ANO6: variants seen among roughly 807,000 people sequenced by gnomAD.
ANO6 encodes the protein anoctamin 6.
Under a neutral mutation model 117.5 loss-of-function variants are expected in ANO6, and 106 were observed. The ratio of observed to expected loss-of-function variants is 0.90; its 90% confidence interval spans 0.77 to 1.06. The LOEUF (loss-of-function observed/expected upper bound fraction) is 1.06, where lower values mean the gene tolerates loss of function less well. ANO6 is among the 50% of genes least tolerant of loss of function. The probability of loss-of-function intolerance (pLI) is 0.00; values close to 1 mark genes in which losing one functional copy is unlikely to be tolerated. For missense variants in ANO6, 955 were observed against 1,121.1 expected (o/e 0.85, Z 2.12); for synonymous variants, 367 against 385.1 (o/e 0.95, Z 0.55).
chr12:45,415,543 G>C (rs890959123), intron 16 of ANO6, among the ~76,000 whole-genome samples: 1 of 152,216 alleles, frequency 6.6e-6, no homozygotes, highest in Non-Finnish European at 1.5e-5. Flanking sequence ...ATTTAGGGTT[G>C]GGTGAGTCAT....
In ANO6 at chr12:45,378,057, T is replaced by A. The variant is rs1012184211; in HGVS notation, c.1109T>A (p.Leu370Ter). ...LNITCESSKKLCIFDSFGTLV... is the reference protein window; with the variant it reads ...LNITCESSKK ...TATGTCATTTATATTTTCCAGAAATTGTGCATCTTCGACAGTTTTGGAACC... is the reference window on the plus strand; with the variant it reads ...TATGTCATTTATATTTTCCAGAAATAGTGCATCTTCGACAGTTTTGGAACC... The change falls in exon 10 of 20, where the codon TTG (leucine) becomes TAG (stop). Residue 370 changes from leucine to a stop codon, truncating the protein, a stop_gained. Transcript: ENST00000320560. LOFTEE classifies it high-confidence loss of function. The A allele has an allele frequency of 6.2e-7, 1 of 1,612,974 alleles. No homozygotes were observed.
intron 1 of ANO6, among the ~76,000 whole-genome samples, chr12:45,276,591 G>A (rs1202296569): frequency 6.6e-6 from 1 of 152,030 alleles, no homozygotes; most frequent in Non-Finnish European, 1.5e-5. Context: ...CACCCTACCC[G>A]AAATACTTCC....
At chr12:45,422,819 A>G (rs1349029462) in intron 18 of ANO6, 138 bp from the exon 19 acceptor site, 10 of 717,456 alleles carry the variant, frequency 1.4e-5, no homozygotes, top group Non-Finnish European at 1.8e-5. Flanking sequence ...AGTGATCCAC[A>G]TGCCTCAGCC....
At chr12:45,246,542 T>C (rs57516582) in intron 1 of ANO6, among the ~76,000 whole-genome samples, 2 of 151,900 alleles carry the variant, frequency 1.3e-5, no homozygotes, top group Non-Finnish European at 1.5e-5. Flanking sequence ...GCTGTGGAAG[T>C]AGATGTAGAG....
chr12:45,321,873 A>T (rs548760183), intron 2 of ANO6, among the ~76,000 whole-genome samples: 84 of 152,268 alleles, frequency 5.5e-4, no homozygotes, highest in Admixed American at 3.0e-3. Flanking sequence ...TATTAAAAAG[A>T]TGTGTACTCA....
chr12:45,236,544 C>T (rs901286320), intron 1 of ANO6, among the ~76,000 whole-genome samples: 2 of 152,154 alleles, frequency 1.3e-5, no homozygotes, highest in Non-Finnish European at 2.9e-5. Context: ...CATGTCCCTG[C>T]AAAGGACATG....
At chr12:45,291,905 T>A (rs1001684367) in intron 1 of ANO6, among the ~76,000 whole-genome samples, 1 of 152,188 alleles carries the variant, frequency 6.6e-6, no homozygotes, top group Non-Finnish European at 1.5e-5. Context: ...GAAAACAATT[T>A]GGCAATTCCT....
intron 1 of ANO6, among the ~76,000 whole-genome samples, chr12:45,281,592 C>G (rs1017341284): frequency 8.5e-5 from 13 of 152,150 alleles, no homozygotes; most frequent in African/African-American, 2.9e-4. Context: ...GTGAACTGAG[C>G]AAGAACTCAT....
intron 9 of ANO6, among the ~76,000 whole-genome samples, chr12:45,373,934 G>T (rs1411275197): frequency 6.6e-6 from 1 of 152,066 alleles, no homozygotes; most frequent in Non-Finnish European, 1.5e-5. Context: ...CATGTTTTTT[G>T]AAAGATCAAC....
At chr12:45,300,532 G>GA (rs1460760032) in intron 1 of ANO6, among the ~76,000 whole-genome samples, 3 of 152,050 alleles carry the variant, frequency 2.0e-5, no homozygotes, top group African/African-American at 7.2e-5. Context: ...CTCCAGTTTT[G>GA]AAAAATAAGT....
chr12:45,260,989 GT>G (rs1046884283), intron 1 of ANO6, among the ~76,000 whole-genome samples: 2 of 151,276 alleles, frequency 1.3e-5, no homozygotes, highest in Non-Finnish European at 2.9e-5. Flanking sequence ...GTTTTGTTTT[GT>G]TTTTTTGGTA....
downstream of ANO6, among the ~76,000 whole-genome samples, chr12:45,434,116 T>G (rs1943680853): frequency 6.6e-6 from 1 of 152,184 alleles, no homozygotes; most frequent in African/African-American, 2.4e-5. Flanking sequence ...TCTCATAATT[T>G]CACCTGTTCT....
intron 9 of ANO6, among the ~76,000 whole-genome samples, chr12:45,370,911 C>A (rs959529756): frequency 3.9e-5 from 6 of 152,182 alleles, no homozygotes; most frequent in African/African-American, 1.4e-4. Flanking sequence ...CTGAGCAACG[C>A]AGGAGACGGG....
intron 1 of ANO6, among the ~76,000 whole-genome samples, chr12:45,241,059 T>C (rs923692626): frequency 1.4e-4 from 21 of 152,234 alleles, no homozygotes; most frequent in Admixed American, 9.2e-4. Flanking sequence ...AGTATCTTTG[T>C]GGTGTTCTCT....
chr12:45,436,492 T>C (rs1337778871), downstream of ANO6, among the ~76,000 whole-genome samples: 2 of 152,170 alleles, frequency 1.3e-5, no homozygotes, highest in Non-Finnish European at 2.9e-5. Flanking sequence ...AAGTCCCTAA[T>C]GTCTATGCTT....
chr12:45,242,875 A>T (rs2137168914), intron 1 of ANO6, among the ~76,000 whole-genome samples: 1 of 152,310 alleles, frequency 6.6e-6, no homozygotes, highest in South Asian at 2.1e-4. Context: ...ATGACTACTG[A>T]CTTTTAATCT....
At chr12:45,338,118 T>C (rs1249597458) in intron 3 of ANO6, among the ~76,000 whole-genome samples, 1 of 152,078 alleles carries the variant, frequency 6.6e-6, no homozygotes, top group South Asian at 2.1e-4. Context: ...CAAATTTGCC[T>C]CTCAACTTCT....
chr12:45,372,242 A>G (rs1403292927), intron 9 of ANO6, among the ~76,000 whole-genome samples: 5 of 148,116 alleles, frequency 3.4e-5, no homozygotes, highest in African/African-American at 1.2e-4. Flanking sequence ...TGATTGGTGT[A>G]CCTGAAAGTG....
At chr12:45,335,914 C>T (rs949889374) in intron 3 of ANO6, among the ~76,000 whole-genome samples, 2 of 151,862 alleles carry the variant, frequency 1.3e-5, no homozygotes, top group Admixed American at 1.3e-4. Context: ...TATTAATTTT[C>T]CCAAATGAAG....
Sources: allele counts gnomAD v4.1 joint callset (sites outside exome capture counted in the v4.1 genomes callset), GRCh38; gene constraint gnomAD v4.1.1; transcripts MANE v1.5; gene names NCBI Gene and HGNC (gene_info 2026-07-23, HGNC 2026-07-21).